The following HS6ST3 variants were observed in gnomAD, a reference collection of about 807,000 sequenced individuals.
HS6ST3 encodes the protein heparan-sulfate 6-O-sulfotransferase 3.
HS6ST3 carries 12 observed loss-of-function variants against 36.7 expected under a neutral mutation model. The ratio of observed to expected loss-of-function variants is 0.33; its 90% CI spans 0.21 to 0.53. The LOEUF (loss-of-function observed/expected upper bound fraction) is 0.53. Among genes scored for constraint, HS6ST3 ranks in the 20% least tolerant of loss-of-function variants. HS6ST3 has a pLI of 0.95. For missense variants in HS6ST3, 584 were observed against 640.9 expected (o/e 0.91, Z 0.96); for synonymous variants, 240 against 257.5 (o/e 0.93, Z 0.65).
intron 1 of HS6ST3, among the ~76,000 whole-genome samples, chr13:96,424,824 A>G (rs1276899348): frequency 6.6e-6 from 1 of 152,188 alleles, no homozygotes; most frequent in African/African-American, 2.4e-5. Flanking sequence ...TGATCACATA[A>G]TAAAATAAAC....
chr13:96,224,509 T>C lies in HS6ST3; in HGVS notation c.707+132940T>C, dbSNP rs1329086121. Among the ~76,000 whole-genome samples the C allele has an allele frequency of 7.2e-5, 11 of 152,266 alleles. No homozygotes were observed. In the East Asian group the frequency reaches 1.9e-3, roughly 27 times the overall value. ...GCTAATTTTTTAATTTAAGACAGGATCTCACTATGTTGCTCAGGCTGATCT... is the reference window on the plus strand; with the variant it reads ...GCTAATTTTTTAATTTAAGACAGGACCTCACTATGTTGCTCAGGCTGATCT... On this transcript the variant is annotated intron_variant, in intron 1 of 1. Coordinates refer to ENST00000376705, the MANE Select transcript of HS6ST3 (RefSeq NM_153456.4).
At chr13:96,364,728 A>C in intron 1 of HS6ST3, among the ~76,000 whole-genome samples, 1 of 152,176 alleles carries the variant, frequency 6.6e-6, no homozygotes, top group East Asian at 1.9e-4. Context: ...ATGCCACTGA[A>C]GTGTACGCTT....
rs113516696 is a variant in HS6ST3, at chr13:96,281,239, C to G, written c.707+189670C>G. Among the ~76,000 whole-genome samples, 203 of 152,182 alleles carry G rather than the reference C, an allele frequency of 1.3e-3. 1 individual carries two copies. Among genetic ancestry groups the G allele is most frequent in the Non-Finnish European group, 1.6e-3 (109 of 67,992 alleles). ...CAGGATGGTCTTGATCTCTTGACCT[C>G]GTGATCTGCCCACCTCAGCCTCCCA... On this transcript the variant is annotated intron_variant, in intron 1 of 1. Transcript: ENST00000376705.
intron 1 of HS6ST3, among the ~76,000 whole-genome samples, chr13:96,535,240 A>C (rs935552998): frequency 6.6e-6 from 1 of 152,102 alleles, no homozygotes; most frequent in Non-Finnish European, 1.5e-5. Flanking sequence ...AGATTATTCT[A>C]TAGGTATGCG....
rs1566422902 is a variant in HS6ST3, at chr13:96,658,268, C to CTTCTTTTTT, written c.708-174220_708-174219insCTTTTTTTT. On this transcript the variant is annotated intron_variant, in intron 1 of 1. Transcript: ENST00000376705. ...TTCTTCTTCTTCTTCTCTTCTTCTT[C>CTTCTTTTTT]TTTTTTTTTTTTTTTTTTTTTTTTT... is the stretch of plus-strand genomic sequence containing the variant. 2.6e-4 allele frequency among the ~76,000 whole-genome samples: 20 copies of CTTCTTTTTT among 76,154 alleles called. 2 individuals are homozygous for CTTCTTTTTT. Among genetic ancestry groups the CTTCTTTTTT allele is most frequent in the Non-Finnish European group, 4.4e-4 (18 of 41,032 alleles). The allele number at this position is 76,154 out of a possible 152,430, so 50.0% of individuals were successfully genotyped here.
chr13:96,139,541 G>GCAAAAAAA, intron 1 of HS6ST3, among the ~76,000 whole-genome samples: 1 of 66,264 alleles, frequency 1.5e-5, no homozygotes, highest in African/African-American at 6.1e-5. Context: ...GTAAGATTCA[G>GCAAAAAAA]AAAAAAAAAA....
chr13:96,497,201 T>C (rs947648683), intron 1 of HS6ST3, among the ~76,000 whole-genome samples: 3 of 152,094 alleles, frequency 2.0e-5, no homozygotes, highest in African/African-American at 7.2e-5. Context: ...GGTAGATATA[T>C]GTGTGCTCTC....
intron 1 of HS6ST3, among the ~76,000 whole-genome samples, chr13:96,486,774 C>T (rs963950814): frequency 1.3e-5 from 2 of 151,942 alleles, no homozygotes; most frequent in East Asian, 1.9e-4. Flanking sequence ...AGGTATAGCA[C>T]GATTAATATC....
rs7991541 is a variant in HS6ST3, at chr13:96,471,253, G to A, written c.708-361237G>A. On this transcript the variant is annotated intron_variant, in intron 1 of 1. Transcript: ENST00000376705. ...TCTTGGATGTCCTCTGCCTTCAGGG[G>A]CCAAATAACTACTAGCTTCTGCTTC... 4.7e-3 allele frequency among the ~76,000 whole-genome samples: 713 copies of A among 152,320 alleles called. 7 individuals are homozygous for A. The highest frequency in any genetic ancestry group is 0.016 in the African/African-American group (680 of 41,572).
chr13:96,504,535 C>T (rs557652846), intron 1 of HS6ST3, among the ~76,000 whole-genome samples: 1 of 151,906 alleles, frequency 6.6e-6, no homozygotes, highest in African/African-American at 2.4e-5. Flanking sequence ...CGGAAATAGG[C>T]AGGCACAAAA....
At chr13:96,417,130 G>A (rs1441964857) in intron 1 of HS6ST3, among the ~76,000 whole-genome samples, 1 of 152,196 alleles carries the variant, frequency 6.6e-6, no homozygotes, top group Non-Finnish European at 1.5e-5. Flanking sequence ...TATCAGATAA[G>A]TGGACATGCT....
intron 1 of HS6ST3, among the ~76,000 whole-genome samples, chr13:96,692,741 A>C (rs1167424173): frequency 1.3e-5 from 2 of 152,178 alleles, no homozygotes; most frequent in African/African-American, 4.8e-5. Flanking sequence ...ATTTGTAAAC[A>C]AAAATGTATA....
intron 1 of HS6ST3, among the ~76,000 whole-genome samples, chr13:96,724,187 C>A (rs1875926744): frequency 6.6e-6 from 1 of 151,966 alleles, no homozygotes; most frequent in Non-Finnish European, 1.5e-5. Flanking sequence ...TTAAAACACA[C>A]AAAACAGTAG....
intron 1 of HS6ST3, among the ~76,000 whole-genome samples, chr13:96,158,577 C>T (rs889159094): frequency 1.5e-5 from 2 of 132,112 alleles, no homozygotes; most frequent in Non-Finnish European, 3.1e-5. Flanking sequence ...CACCTGAACC[C>T]GGGAGGCCGA....
chr13:96,333,548 C>A (rs78277820), intron 1 of HS6ST3, among the ~76,000 whole-genome samples: 1 of 152,208 alleles, frequency 6.6e-6, no homozygotes, highest in African/African-American at 2.4e-5. Flanking sequence ...TTGGGAAAGC[C>A]TGTAGCTTTA....
intron 1 of HS6ST3, among the ~76,000 whole-genome samples, chr13:96,628,826 CAT>C (rs915972893): frequency 2.4e-4 from 37 of 151,108 alleles, no homozygotes; most frequent in Middle Eastern, 3.4e-3. Context: ...TGTGTGTGTG[CAT>C]GTGTGTGTGT....
intron 1 of HS6ST3, among the ~76,000 whole-genome samples, chr13:96,704,349 T>C (rs1024295809): frequency 1.9e-4 from 29 of 152,194 alleles, no homozygotes; most frequent in African/African-American, 7.0e-4. Flanking sequence ...CTGGTCTGGA[T>C]AGCATACAGG....
intron 1 of HS6ST3, among the ~76,000 whole-genome samples, chr13:96,241,124 C>T (rs1229235634): frequency 1.5e-5 from 2 of 134,870 alleles, no homozygotes; most frequent in Non-Finnish European, 3.1e-5. Flanking sequence ...AATCTTTTTG[C>T]AAATCAGGTC....
At chr13:96,604,180 T>G (rs932999796) in intron 1 of HS6ST3, among the ~76,000 whole-genome samples, 1 of 152,194 alleles carries the variant, frequency 6.6e-6, no homozygotes, top group Non-Finnish European at 1.5e-5. Context: ...TTCTCCATTT[T>G]TATTTGCTGA....
Sources: gnomAD v4.1 joint callset for allele counts (sites outside exome capture counted in the v4.1 genomes callset) on GRCh38, gnomAD v4.1.1 for gene constraint, MANE v1.5 for transcripts, NCBI Gene and HGNC (gene_info 2026-07-23, HGNC 2026-07-21) for gene names.